Variants in BLTP3A observed in about 807,000 individuals in gnomAD.
The protein encoded by BLTP3A is ICBP90 binding protein 1.
chr6:34,871,962 T>C, the BLTP3A span: 5 of 1,592,330 alleles, frequency 3.1e-6, no homozygotes, highest in East Asian at 2.2e-5. Flanking sequence ...CCCATAACCC[T>C]TGGGGGCTAT....
chr6:34,864,249 C>T, the BLTP3A span: 4 of 1,546,646 alleles, frequency 2.6e-6, no homozygotes, highest in African/African-American at 5.5e-5. Context: ...AAAGGGTTCT[C>T]TCTGCTGCCT....
At chr6:34,834,758 G>A in the BLTP3A span, 9 of 1,614,084 alleles carry the variant, frequency 5.6e-6, no homozygotes, top group African/African-American at 2.7e-5. Context: ...CAAACACTCC[G>A]AATTGAGGCA....
the BLTP3A span, among the ~76,000 whole-genome samples, chr6:34,870,485 A>G: frequency 6.6e-6 from 1 of 152,226 alleles, no homozygotes; most frequent in Admixed American, 6.5e-5. Context: ...CAAGACTTAG[A>G]GAAAGGAGGA....
the BLTP3A span, chr6:34,859,283 A>C: frequency 6.2e-7 from 1 of 1,613,768 alleles, no homozygotes; most frequent in South Asian, 1.1e-5. Context: ...GAGTCCCTAC[A>C]GGCCAAGAAA....
chr6:34,839,021 C>T, the BLTP3A span, among the ~76,000 whole-genome samples: 5 of 152,168 alleles, frequency 3.3e-5, no homozygotes, highest in Admixed American at 6.5e-5. Context: ...GAGGCCAAGG[C>T]GGGTGGATCA....
chr6:34,825,200 C>G, the BLTP3A span, among the ~76,000 whole-genome samples: 1 of 152,220 alleles, frequency 6.6e-6, no homozygotes, highest in East Asian at 1.9e-4. Flanking sequence ...CTCATTTAAT[C>G]TGGTAGATTT....
the BLTP3A span, among the ~76,000 whole-genome samples, chr6:34,862,798 C>T: frequency 6.7e-6 from 1 of 150,102 alleles, no homozygotes; most frequent in African/African-American, 2.5e-5. Flanking sequence ...CATGCCACTG[C>T]ACTCCAGCCT....
chr6:34,871,407 T>C, the BLTP3A span, among the ~76,000 whole-genome samples: 1 of 152,330 alleles, frequency 6.6e-6, no homozygotes, highest in Admixed American at 6.5e-5. Flanking sequence ...CATCAGGTTA[T>C]CTGATTCTCA....
the BLTP3A span, among the ~76,000 whole-genome samples, chr6:34,819,448 C>T: frequency 6.6e-6 from 1 of 152,042 alleles, no homozygotes; most frequent in Non-Finnish European, 1.5e-5. Context: ...AGTTAGCCAG[C>T]AGGGCAGTTA....
chr6:34,795,230 A>ACCAT, the BLTP3A span, among the ~76,000 whole-genome samples: 5 of 151,744 alleles, frequency 3.3e-5, no homozygotes, highest in East Asian at 9.7e-4. Flanking sequence ...ACCATGCACC[A>ACCAT]CCATGCCCCT....
chr6:34,822,042 C>A, the BLTP3A span: 2 of 1,527,820 alleles, frequency 1.3e-6, no homozygotes, highest in Non-Finnish European at 1.8e-6. Flanking sequence ...ATAGGCTAAC[C>A]CTTTTAGGAA....
the BLTP3A span, among the ~76,000 whole-genome samples, chr6:34,796,629 TAAG>T: frequency 6.6e-6 from 1 of 152,226 alleles, no homozygotes; most frequent in Non-Finnish European, 1.5e-5. Context: ...GTTATACAAA[TAAG>T]AAGAAATATG....
chr6:34,849,545 T>A, the BLTP3A span, among the ~76,000 whole-genome samples: 3 of 152,222 alleles, frequency 2.0e-5, no homozygotes, highest in African/African-American at 7.2e-5. Context: ...AAAGTTATTG[T>A]AGTTATTTTT....
the BLTP3A span, chr6:34,858,673 C>T: frequency 1.2e-6 from 2 of 1,614,214 alleles, no homozygotes; most frequent in Non-Finnish European, 1.7e-6. Context: ...TATGTCCCAT[C>T]CGCGGTCAAA....
chr6:34,812,098 G>C, the BLTP3A span, among the ~76,000 whole-genome samples: 2 of 152,012 alleles, frequency 1.3e-5, no homozygotes, highest in African/African-American at 2.4e-5. Context: ...GGAGTCCAAG[G>C]TGGGAGGATC....
At chr6:34,798,594 C>CTTTCTTTTTTT in the BLTP3A span, among the ~76,000 whole-genome samples, 2 of 94,500 alleles carry the variant, frequency 2.1e-5, no homozygotes, top group African/African-American at 4.8e-5. Flanking sequence ...TTCTTTCTTT[C>CTTTCTTTTTTT]TTTTTTTTTT....
the BLTP3A span, chr6:34,835,293 G>T: frequency 6.2e-7 from 1 of 1,613,748 alleles, no homozygotes; most frequent in Non-Finnish European, 8.5e-7. Flanking sequence ...GGCTTCCTCA[G>T]ACCAAAGATT....
chr6:34,834,442 G>A, the BLTP3A span: 1 of 1,606,344 alleles, frequency 6.2e-7, no homozygotes, highest in Admixed American at 1.7e-5. Context: ...AGAGAATGGG[G>A]GAATATTCAA....
At chr6:34,856,785 T>G in the BLTP3A span, 8 of 1,610,088 alleles carry the variant, frequency 5.0e-6, no homozygotes, top group Non-Finnish European at 6.8e-6. Flanking sequence ...CTTATTTTTA[T>G]TTAGATTCTC....
Sources: allele counts gnomAD v4.1 joint callset (sites outside exome capture counted in the v4.1 genomes callset), GRCh38; gene constraint gnomAD v4.1.1; transcripts MANE v1.5; gene names NCBI Gene and HGNC (gene_info 2026-07-23, HGNC 2026-07-21).